The following TRIM33 variants were observed in gnomAD, a reference collection of about 807,000 sequenced individuals.
The protein encoded by TRIM33 is E3 ubiquitin-protein ligase TRIM33.
Under a neutral mutation model 125.4 loss-of-function variants are expected in TRIM33, and 20 were observed. The observed-to-expected ratio is 0.16, with a 90% CI of 0.11 to 0.23. The LOEUF (loss-of-function observed/expected upper bound fraction) is 0.23. Ranked by LOEUF, TRIM33 falls within the 10% of genes least tolerant of loss-of-function variation. The pLI, the probability that TRIM33 is intolerant of heterozygous loss-of-function variation, is 1.00. For missense variants in TRIM33, 920 were observed against 1,411.4 expected (o/e 0.65, Z 5.58); for synonymous variants, 564 against 513.9 (o/e 1.10, Z -1.32).
chr1:114,463,057 A>C (rs1408078148), intron 4 of TRIM33, 47 bp downstream of exon 4: 6 of 1,474,816 alleles, frequency 4.1e-6, no homozygotes, highest in Non-Finnish European at 5.4e-6. Context: ...ATGACTTTAC[A>C]AGCACTTTTT....
chr1:114,458,654 T>C (rs1374433857), intron 4 of TRIM33, among the ~76,000 whole-genome samples: 1 of 152,166 alleles, frequency 6.6e-6, no homozygotes, highest in African/African-American at 2.4e-5. Flanking sequence ...ATTTCTCAAA[T>C]ATCTCCCATC....
chr1:114,399,908 C>G (rs1178334568), intron 17 of TRIM33, among the ~76,000 whole-genome samples: 1 of 151,366 alleles, frequency 6.6e-6, no homozygotes, highest in East Asian at 1.9e-4. Context: ...TTTGACTTAC[C>G]AGAATTTTAT....
intron 4 of TRIM33, among the ~76,000 whole-genome samples, chr1:114,459,072 C>T (rs1421393981): frequency 2.6e-5 from 4 of 152,150 alleles, no homozygotes; most frequent in Non-Finnish European, 4.4e-5. Flanking sequence ...GTCCCTATTC[C>T]TGGCATACAA....
intron 1 of TRIM33, among the ~76,000 whole-genome samples, chr1:114,477,584 C>T (rs1651053585): frequency 6.6e-6 from 1 of 152,162 alleles, no homozygotes; most frequent in Non-Finnish European, 1.5e-5. Flanking sequence ...CATGTTTATA[C>T]ATATAAAATG....
intron 17 of TRIM33, among the ~76,000 whole-genome samples, chr1:114,400,866 T>C (rs1344059631): frequency 6.6e-6 from 1 of 152,044 alleles, no homozygotes. Context: ...CAAAACTCAA[T>C]GACTATAGAC....
chr1:114,465,780 G>T (rs138210849), intron 1 of TRIM33, among the ~76,000 whole-genome samples: 10 of 152,190 alleles, frequency 6.6e-5, no homozygotes, highest in Non-Finnish European at 1.2e-4. Flanking sequence ...GGTGGCTCAC[G>T]CCTGTAATCC....
intron 4 of TRIM33, among the ~76,000 whole-genome samples, chr1:114,457,438 G>A (rs6656726): frequency 0.28 from 43,075 of 152,072 alleles, 6,663 homozygotes; most frequent in African/African-American, 0.39. Flanking sequence ...AACTGAGACT[G>A]AATCTATGAC....
chr1:114,479,847 C>T (rs945534346), intron 1 of TRIM33, among the ~76,000 whole-genome samples: 4 of 151,986 alleles, frequency 2.6e-5, no homozygotes, highest in African/African-American at 9.6e-5. Context: ...CCAGCTGCCC[C>T]GTCCGGGAGG....
In TRIM33 at chr1:114,507,388, G is replaced by A. The variant is rs573375691; in HGVS notation, c.526+3163C>T. On this transcript the variant is annotated intron_variant, in intron 1 of 19. Transcript: ENST00000358465. ...TTGATCTAGAAAGAACAGCCAGAGG[G>A]TGTGAATAAATGTATTAAGAGAAAC... Among the ~76,000 whole-genome samples, 40 of 152,306 alleles carry A rather than the reference G, an allele frequency of 2.6e-4. No homozygotes were observed. In the South Asian group the frequency reaches 7.5e-3, roughly 28 times the overall value.
chr1:114,433,342 C>T lies in TRIM33; in HGVS notation c.1040+275G>A, dbSNP rs561688353. ...CTCCACTTTAAATTTTATAAGTCAA[C>T]TCTCTCCATATTAATTTATTTGTTT... On this transcript the variant is annotated intron_variant, in intron 5 of 19. Coordinates refer to ENST00000358465, the MANE Select transcript of TRIM33 (RefSeq NM_015906.4). Among the ~76,000 whole-genome samples, 5 of 152,242 alleles carry T rather than the reference C, an allele frequency of 3.3e-5. No individual in the cohort carries two copies. In the East Asian group the frequency reaches 9.6e-4, roughly 29 times the overall value.
intron 11 of TRIM33, among the ~76,000 whole-genome samples, chr1:114,417,227 G>C (rs1222368850): frequency 6.6e-6 from 1 of 152,148 alleles, no homozygotes; most frequent in Non-Finnish European, 1.5e-5. Context: ...CTGCTAATGA[G>C]TACCATTTCT....
Position 114,414,399 on chromosome 1 carries a change from A to AC in TRIM33, c.2062-4084dup, listed in dbSNP as rs542607956. On this transcript the variant is annotated intron_variant, in intron 11 of 19. Coordinates refer to ENST00000358465, the MANE Select transcript of TRIM33 (RefSeq NM_015906.4). Reference sequence around the variant, plus strand: ...TCTAGTTTCCATTTTCCTCTACAGAACTAGGCCCTTCTCTCTTTCCTGTTC... The same window carrying AC: ...TCTAGTTTCCATTTTCCTCTACAGAACCTAGGCCCTTCTCTCTTTCCTGTTC... Among the ~76,000 whole-genome samples the AC allele has an allele frequency of 9.1e-3, 1,377 of 152,018 alleles. 8 individuals carry two copies. The highest frequency in any genetic ancestry group is 0.016 in the Non-Finnish European group (1,083 of 67,930).
At chr1:114,427,374 A>G in intron 7 of TRIM33, 80 bp from the exon 8 acceptor site, 1 of 783,522 alleles carries the variant, frequency 1.3e-6, no homozygotes, top group Non-Finnish European at 2.1e-6. Context: ...TTAAGAAAAA[A>G]AAGCACATAT....
At chr1:114,424,562 G>T (rs374066803) in intron 10 of TRIM33, 29 bp downstream of exon 10, 2 of 1,486,794 alleles carry the variant, frequency 1.3e-6, no homozygotes, top group Admixed American at 2.4e-5. Flanking sequence ...AAAATTGTAG[G>T]ATTCTTACAA....
Position 114,427,980 on chromosome 1 carries a change from A to G in TRIM33, c.1156-86T>C. ...TCTAATGCAAATGGGCACAATACCTATACTTCCTTTAAAAATGGGCTAAGT... is the reference window on the plus strand; with the variant it reads ...TCTAATGCAAATGGGCACAATACCTGTACTTCCTTTAAAAATGGGCTAAGT... On this transcript the variant is annotated intron_variant, in intron 6 of 19. Coordinates refer to ENST00000358465, the MANE Select transcript of TRIM33 (RefSeq NM_015906.4). 4.4e-6 allele frequency: 6 copies of G among 1,372,712 alleles called. No individual in the cohort carries two copies. In the South Asian group the frequency reaches 7.9e-5, roughly 18 times the overall value. 85.0% of individuals were successfully genotyped at this position (1,372,712 alleles called of 1,614,324 possible).
At chr1:114,420,497 G>T (rs1481779593) in intron 11 of TRIM33, 14 of 983,804 alleles carry the variant, frequency 1.4e-5, no homozygotes, top group Non-Finnish European at 1.7e-5. Context: ...TAGCAAAAGT[G>T]ATATTAATCC....
chr1:114,509,984 C>G (rs1276037412), intron 1 of TRIM33, among the ~76,000 whole-genome samples: 1 of 152,116 alleles, frequency 6.6e-6, no homozygotes, highest in Non-Finnish European at 1.5e-5. Flanking sequence ...GTCCACTTTC[C>G]GAGTTTCTCT....
chr1:114,507,656 A>G (rs1424219052), intron 1 of TRIM33, among the ~76,000 whole-genome samples: 1 of 152,240 alleles, frequency 6.6e-6, no homozygotes, highest in African/African-American at 2.4e-5. Flanking sequence ...AAACTGAAGG[A>G]CAAAAACAGT....
chr1:114,459,298 G>A (rs544753849), intron 4 of TRIM33, among the ~76,000 whole-genome samples: 8 of 152,158 alleles, frequency 5.3e-5, no homozygotes, highest in African/African-American at 1.4e-4. Context: ...ATTTAATCAC[G>A]CATCCCTAAA....
Sources: allele counts gnomAD v4.1 joint callset (sites outside exome capture counted in the v4.1 genomes callset), GRCh38; gene constraint gnomAD v4.1.1; transcripts MANE v1.5; gene names NCBI Gene and HGNC (gene_info 2026-07-23, HGNC 2026-07-21).